The following CELF2 variants were observed in gnomAD, a reference collection of about 807,000 sequenced individuals.
CELF2 encodes CUG triplet repeat RNA-binding protein 2.
In CELF2, 8 loss-of-function variants were observed where a neutral mutation model predicts 62.6. That is an observed-to-expected ratio of 0.13 (90% CI 0.07 to 0.23). The LOEUF (loss-of-function observed/expected upper bound fraction) is 0.23, where lower values mean the gene tolerates loss of function less well. Among genes scored for constraint, CELF2 ranks in the 10% least tolerant of loss-of-function variants. CELF2 has a pLI of 1.00. For missense variants in CELF2, 333 were observed against 671.0 expected, an observed-to-expected ratio of 0.50 and a Z score of 5.56; for synonymous variants, 258 against 250.0, an observed-to-expected ratio of 1.03 and a Z score of -0.30.
At chr10:10,693,406 T>C in the CELF2 span, among the ~76,000 whole-genome samples, 3 of 148,194 alleles carry the variant, frequency 2.0e-5, no homozygotes, top group Non-Finnish European at 3.0e-5. Context: ...GCTGGATTCG[T>C]TTTGCCAGTA....
chr10:11,118,589 C>T (rs1316564206), intron 1 of CELF2, among the ~76,000 whole-genome samples: 4 of 152,280 alleles, frequency 2.6e-5, no homozygotes, highest in African/African-American at 9.6e-5. Context: ...ATGGTGACTT[C>T]AGATTTTTGC....
chr10:11,249,223 T>C, intron 4 of CELF2, 22 bp downstream of exon 4: 1 of 1,587,248 alleles, frequency 6.3e-7, no homozygotes, highest in Non-Finnish European at 8.7e-7. Context: ...CCAACTGTCT[T>C]GCTTAATAAT....
intron 3 of CELF2, among the ~76,000 whole-genome samples, chr10:11,225,473 A>G (rs948135172): frequency 4.6e-5 from 7 of 152,160 alleles, no homozygotes; most frequent in African/African-American, 1.4e-4. Flanking sequence ...GAAAATCTCT[A>G]CACTGTGACT....
the CELF2 span, among the ~76,000 whole-genome samples, chr10:10,502,472 T>C: frequency 1.3e-5 from 2 of 152,026 alleles, no homozygotes; most frequent in African/African-American, 4.8e-5. Flanking sequence ...AAACCATTCA[T>C]TTCATATTGA....
rs1282237236 is a variant in CELF2 at position 11,156,533 on chromosome 10, T to A, written c.75-8953T>A. The stretch of plus-strand genomic sequence containing the variant: ...GGTCTTTTTAATCGATAAGGCTTAC[T>A]TATTTGCCTATTTCATGCCCACTCT... On this transcript the variant is annotated intron_variant, in intron 1 of 12. Transcript: ENST00000633077. The surrounding 1 kb of genome is among the most constrained non-coding windows in gnomAD (Gnocchi z 4.3). Among the ~76,000 whole-genome samples, 1 of 152,210 alleles carries A rather than the reference T, an allele frequency of 6.6e-6. No individual in the cohort carries two copies. Among genetic ancestry groups the A allele is most frequent in the African/African-American group, 2.4e-5 (1 of 41,452 alleles).
intron 1 of CELF2, among the ~76,000 whole-genome samples, chr10:10,914,250 G>A (rs1354960735): frequency 6.6e-6 from 1 of 152,184 alleles, no homozygotes; most frequent in Non-Finnish European, 1.5e-5. Context: ...GGGGGCTCAT[G>A]TCTTGTGTTT....
chr10:10,564,373 A>G, the CELF2 span, among the ~76,000 whole-genome samples: 1 of 152,184 alleles, frequency 6.6e-6, no homozygotes, highest in Non-Finnish European at 1.5e-5. Flanking sequence ...GACTTGGCAT[A>G]AGGAATTAAT....
chr10:10,507,830 G>C, the CELF2 span, among the ~76,000 whole-genome samples: 1 of 152,158 alleles, frequency 6.6e-6, no homozygotes, highest in Non-Finnish European at 1.5e-5. Flanking sequence ...AAAAAAATTA[G>C]CACATTCTAA....
At chr10:10,898,301 C>G (rs1405468112) in intron 1 of CELF2, among the ~76,000 whole-genome samples, 1 of 152,204 alleles carries the variant, frequency 6.6e-6, no homozygotes, top group Non-Finnish European at 1.5e-5. Flanking sequence ...ACCTTTCGAG[C>G]TGATGCTCTT....
At chr10:11,097,479 C>G (rs1365430433) in intron 1 of CELF2, 1 of 152,098 alleles carries the variant, frequency 6.6e-6, no homozygotes, top group Non-Finnish European at 1.5e-5. Flanking sequence ...AAATAAAATA[C>G]CCAATGATAG....
intron 1 of CELF2, among the ~76,000 whole-genome samples, chr10:10,891,095 CAT>C (rs1184042102): frequency 6.6e-6 from 1 of 152,100 alleles, no homozygotes; most frequent in Non-Finnish European, 1.5e-5. Flanking sequence ...GAGTTTTTTT[CAT>C]ATGTTTAAAG....
the CELF2 span, among the ~76,000 whole-genome samples, chr10:10,791,858 G>C: frequency 6.6e-6 from 1 of 151,986 alleles, no homozygotes; most frequent in Non-Finnish European, 1.5e-5. Flanking sequence ...TTTTCTTAAC[G>C]GGGTTTGTAT....
chr10:10,505,471 C>T, the CELF2 span, among the ~76,000 whole-genome samples: 2 of 152,064 alleles, frequency 1.3e-5, no homozygotes, highest in African/African-American at 4.8e-5. Context: ...CACCTTATTA[C>T]TGCAAGTACA....
intron 1 of CELF2, among the ~76,000 whole-genome samples, chr10:11,137,444 T>G (rs988382183): frequency 6.6e-5 from 10 of 152,246 alleles, no homozygotes; most frequent in African/African-American, 2.4e-4. Flanking sequence ...GCTTTGGTTT[T>G]AGAGTCAGAT....
At chr10:10,836,022 C>T (rs976758593) in intron 1 of CELF2, among the ~76,000 whole-genome samples, 29 of 152,192 alleles carry the variant, frequency 1.9e-4, no homozygotes, top group African/African-American at 6.5e-4. Flanking sequence ...GACATGTCAG[C>T]GTTGAGATAG....
intron 2 of CELF2, among the ~76,000 whole-genome samples, chr10:11,187,496 A>C (rs2075253322): frequency 6.6e-6 from 1 of 152,128 alleles, no homozygotes; most frequent in South Asian, 2.1e-4. Flanking sequence ...CTACCTTTTA[A>C]TTGGAGTGTT....
chr10:10,596,110 G>C, the CELF2 span, among the ~76,000 whole-genome samples: 5 of 152,070 alleles, frequency 3.3e-5, no homozygotes, highest in African/African-American at 1.2e-4. Context: ...CCCAGTTTGG[G>C]ACTCACCTGT....
Position 11,321,534 on chromosome 10 carries a change from C to A in CELF2, c.1294+148C>A, listed in dbSNP as rs1298785402. Reference sequence around the variant, plus strand: ...TATTCATGTTTAAAAAAAAAAAAAACTGAAAGCTGGGCATGGTGGCATACA... The same window carrying A: ...TATTCATGTTTAAAAAAAAAAAAAAATGAAAGCTGGGCATGGTGGCATACA... On this transcript the variant is annotated intron_variant, in intron 11 of 12. Transcript: ENST00000633077. The surrounding 1 kb of genome is among the most constrained non-coding windows in gnomAD (Gnocchi z 6.2). 1.3e-5 allele frequency: 8 copies of A among 639,492 alleles called. No homozygotes were observed. The highest frequency in any genetic ancestry group is 3.1e-5 in the Admixed American group (1 of 32,424). The allele number at this position is 639,492 out of a possible 1,614,324, so 39.6% of individuals were successfully genotyped here. A position where few individuals can be genotyped will look rare whatever the true frequency, so the allele number is the denominator to read the frequency against.
In CELF2 at chr10:11,159,934, G is replaced by A. The variant is rs2065312960; in HGVS notation, c.75-5552G>A. Among the ~76,000 whole-genome samples the A allele has an allele frequency of 6.6e-6, 1 of 152,200 alleles. No individual in the cohort carries two copies. Among genetic ancestry groups the A allele is most frequent in the South Asian group, 2.1e-4 (1 of 4,832 alleles). On this transcript the variant is annotated intron_variant, in intron 1 of 12. Coordinates refer to ENST00000633077, the MANE Select transcript of CELF2 (RefSeq NM_001326342.2). This position sits in a 1 kb window ranked among gnomAD's most constrained non-coding sequence, Gnocchi z 5.0. ...CATTAAGAAGAGCATTGGCATACCT[G>A]GCAAGAGATGGGGCTCTCGCAGCAC...
Sources: gnomAD v4.1 joint callset for allele counts (sites outside exome capture counted in the v4.1 genomes callset) on GRCh38, gnomAD v4.1.1 for gene constraint, Gnocchi (gnomAD v3.1) non-coding constraint, MANE v1.5 for transcripts, NCBI Gene and HGNC (gene_info 2026-07-23, HGNC 2026-07-21) for gene names.